DCX: variants seen among roughly 807,000 people sequenced by gnomAD.
DCX encodes the protein doublecortin.
DCX carries 4 observed loss-of-function variants against 20.9 expected under a neutral mutation model. The ratio of observed to expected loss-of-function variants is 0.19; its 90% CI spans 0.09 to 0.44. The LOEUF is 0.44. DCX is among the 20% of genes least tolerant of loss of function. The pLI, the probability that DCX is intolerant of heterozygous loss-of-function variation, is 0.99. For synonymous variants in DCX, 103 were observed against 111.4 expected (o/e 0.92, Z 0.47); for missense variants, 133 against 296.9 (o/e 0.45, Z 4.06).
chrX:111,303,780 C>T (rs2095039158), intron 6 of DCX, among the ~76,000 whole-genome samples: 1 of 111,742 alleles, frequency 8.9e-6, no homozygotes, highest in Admixed American at 9.5e-5. Context: ...AGCAAATAGA[C>T]TCAGTTCTCG....
At chrX:111,304,215 T>C (rs1285508626) in intron 6 of DCX, among the ~76,000 whole-genome samples, 3 of 112,273 alleles carry the variant, frequency 2.7e-5, no homozygotes, top group East Asian at 5.6e-4. Flanking sequence ...TAGTCAAAAG[T>C]ATTTTTGAGC....
At chrX:111,402,747 T>C (rs1353783082) in intron 2 of DCX, among the ~76,000 whole-genome samples, 1 of 109,369 alleles carries the variant, frequency 9.1e-6, no homozygotes, top group Non-Finnish European at 1.9e-5. Flanking sequence ...TTTGAGGACA[T>C]TTATGTGTGT....
At chrX:111,374,339 T>C (rs1357135639) in intron 3 of DCX, among the ~76,000 whole-genome samples, 2 of 112,428 alleles carry the variant, frequency 1.8e-5, no homozygotes, top group African/African-American at 6.5e-5. Context: ...AAGCTTTCTG[T>C]TATCCATAGA....
rs1335923217 is a variant in DCX at position 111,295,551 on chromosome X, C to G, written c.*6136G>C. ...TGGTAAAACTTTAAGCAATTACTCC[C>G]CCACCCCCATCCAGCCAAAACAAAT... On this transcript the variant is annotated 3_prime_UTR_variant, in exon 7 of 7. Coordinates refer to ENST00000636035, the MANE Select transcript of DCX (RefSeq NM_001195553.2). 1 of 111,733 alleles carries G rather than the reference C, an allele frequency of 8.9e-6. No individual in the cohort carries two copies. Among genetic ancestry groups the G allele is most frequent in the African/African-American group, 3.3e-5 (1 of 30,617 alleles). 9.2% of individuals were successfully genotyped at this position (111,733 alleles called of 1,213,427 possible). A position where few individuals can be genotyped will look rare whatever the true frequency, so the allele number is the denominator to read the frequency against.
intron 3 of DCX, among the ~76,000 whole-genome samples, chrX:111,370,580 T>G (rs1239769928): frequency 9.0e-6 from 1 of 111,480 alleles, no homozygotes; most frequent in Non-Finnish European, 1.9e-5. Flanking sequence ...AGAGGGACAG[T>G]TCTGTGCATA....
intron 2 of DCX, among the ~76,000 whole-genome samples, chrX:111,408,909 A>G (rs1301445189): frequency 9.0e-6 from 1 of 111,463 alleles, no homozygotes; most frequent in Admixed American, 9.5e-5. Flanking sequence ...TTTTTCCCAC[A>G]TCAAATTCTT....
intron 5 of DCX, among the ~76,000 whole-genome samples, chrX:111,325,550 G>A (rs960235231): frequency 8.9e-6 from 1 of 112,236 alleles, no homozygotes; most frequent in Admixed American, 9.5e-5. Flanking sequence ...ATTTTGCAAA[G>A]TGCATAGCAT....
rs771347201 is a variant in DCX, at chrX:111,294,524, A to C, written c.*7163T>G. 1.8e-5 allele frequency: 2 copies of C among 111,519 alleles called. No individual in the cohort carries two copies. Among genetic ancestry groups the C allele is most frequent in the South Asian group, 7.5e-4 (2 of 2,666 alleles). The allele number at this position is 111,519 out of a possible 1,213,427, so 9.2% of individuals were successfully genotyped here. The stretch of plus-strand genomic sequence containing the variant: ...ATTTTTACGTAAAGTTGAGTCTTTG[A>C]TCACAATGCTGTTCCTTAAGAAATG... On this transcript the variant is annotated 3_prime_UTR_variant, in exon 7 of 7. Transcript: ENST00000636035.
In DCX at chrX:111,357,610, C is replaced by T. The variant is rs188499697; in HGVS notation, c.706-24457G>A. On this transcript the variant is annotated intron_variant, in intron 3 of 6. Coordinates refer to ENST00000636035, the MANE Select transcript of DCX (RefSeq NM_001195553.2). ...CCTGGGCAACATAGTGAGCTTTTGT[C>T]TCTACAAGAAAAATTTAAAAAATTA... Among the ~76,000 whole-genome samples, 3 of 110,096 alleles carry T rather than the reference C, an allele frequency of 2.7e-5. No homozygotes were observed. In the Admixed American group the frequency reaches 2.9e-4, roughly 11 times the overall value.
chrX:111,366,231 T>A (rs1355294130), intron 3 of DCX, among the ~76,000 whole-genome samples: 3 of 111,849 alleles, frequency 2.7e-5, no homozygotes, highest in Non-Finnish European at 3.8e-5. Flanking sequence ...TTTTCCTAGT[T>A]GGTTGGGGAT....
chrX:111,359,480 G>A (rs1218431978), intron 3 of DCX, among the ~76,000 whole-genome samples: 1 of 111,532 alleles, frequency 9.0e-6, no homozygotes, highest in Non-Finnish European at 1.9e-5. Flanking sequence ...GGTAAGAAAG[G>A]CATTCTTCAG....
chrX:111,374,951 A>C (rs753315110), intron 3 of DCX, among the ~76,000 whole-genome samples: 6 of 105,062 alleles, frequency 5.7e-5, no homozygotes, highest in South Asian at 9.1e-4. Context: ...GAAATTATTG[A>C]CACATGAAAC....
intron 3 of DCX, among the ~76,000 whole-genome samples, chrX:111,362,096 A>C (rs1465882403): frequency 1.8e-5 from 2 of 111,360 alleles, no homozygotes; most frequent in Admixed American, 9.6e-5. Context: ...AGGCCTTTCA[A>C]GAATTCAGGA....
At chrX:111,318,512 C>T (rs1262026580) in intron 5 of DCX, among the ~76,000 whole-genome samples, 1 of 110,533 alleles carries the variant, frequency 9.0e-6, no homozygotes, top group African/African-American at 3.3e-5. Context: ...ATCATTGTAG[C>T]ACTATTCAAA....
At chrX:111,367,465 T>G (rs1924713228) in intron 3 of DCX, among the ~76,000 whole-genome samples, 1 of 111,964 alleles carries the variant, frequency 8.9e-6, no homozygotes, top group Non-Finnish European at 1.9e-5. Flanking sequence ...CACAATGCTT[T>G]CTTGAAAATT....
intron 3 of DCX, among the ~76,000 whole-genome samples, chrX:111,359,965 C>T (rs760717504): frequency 1.8e-5 from 2 of 111,550 alleles, no homozygotes; most frequent in South Asian, 7.4e-4. Flanking sequence ...TGGAAAATAC[C>T]GTTTGATCCA....
chrX:111,352,198 G>A (rs772736217), intron 3 of DCX, among the ~76,000 whole-genome samples: 96 of 112,208 alleles, frequency 8.6e-4, no homozygotes, highest in African/African-American at 3.0e-3. Context: ...GCACAGGACA[G>A]CTCCCTACAA....
At position 111,320,562 on chromosome X, in the gene DCX, C is replaced by CTTCT. The variant is rs752702338; in HGVS notation, c.947-7827_947-7826insAGAA. ...AGGAAATGCCTTGGTGGATCTTCTC[C>CTTCT]TTAACTTGTCTCTCTTTCTCATTTC... On this transcript the variant is annotated intron_variant, in intron 5 of 6. Coordinates refer to ENST00000636035, the MANE Select transcript of DCX (RefSeq NM_001195553.2). Among the ~76,000 whole-genome samples the CTTCT allele has an allele frequency of 3.6e-3, 395 of 111,210 alleles. 3 individuals carry two copies. Among genetic ancestry groups the CTTCT allele is most frequent in the African/African-American group, 0.012 (376 of 30,645 alleles).
At chrX:111,410,894 G>A (rs1470254555) in intron 1 of DCX, 1 of 1,211,066 alleles carries the variant, frequency 8.3e-7, no homozygotes, top group Admixed American at 2.2e-5. Flanking sequence ...AACAGAAGGA[G>A]CTACCCAAGG....
Sources: allele counts gnomAD v4.1 joint callset (sites outside exome capture counted in the v4.1 genomes callset), GRCh38; gene constraint gnomAD v4.1.1; transcripts MANE v1.5; gene names NCBI Gene and HGNC (gene_info 2026-07-23, HGNC 2026-07-21).